The following BORCS5 variants were observed in gnomAD, a reference collection of about 807,000 sequenced individuals.
BORCS5 encodes BLOC-1-related complex subunit 5.
Under a neutral mutation model 22.1 loss-of-function variants are expected in BORCS5, and 17 were observed. The ratio of observed to expected loss-of-function variants is 0.77; its 90% CI spans 0.53 to 1.15. The LOEUF (loss-of-function observed/expected upper bound fraction) is 1.15, where lower values mean the gene tolerates loss of function less well. BORCS5 is among the 50% of genes most tolerant of loss of function. The pLI is 0.00. For missense variants in BORCS5, 247 were observed against 253.2 expected, an observed-to-expected ratio of 0.98 and a Z score of 0.17; for synonymous variants, 117 against 99.8, an observed-to-expected ratio of 1.17 and a Z score of -1.03.
intron 3 of BORCS5, among the ~76,000 whole-genome samples, chr12:12,451,859 A>G (rs1458876648): frequency 6.6e-6 from 1 of 151,386 alleles, no homozygotes; most frequent in Non-Finnish European, 1.5e-5. Flanking sequence ...CGGAGCTTGC[A>G]GTGAGCCGAG....
At chr12:12,357,768 T>G (rs1225304659) in intron 1 of BORCS5, among the ~76,000 whole-genome samples, 1 of 152,194 alleles carries the variant, frequency 6.6e-6, no homozygotes, top group Non-Finnish European at 1.5e-5. Flanking sequence ...AGCTACAGCC[T>G]CCTGTTTAAA....
chr12:12,422,916 G>A (rs1942174569), intron 2 of BORCS5, among the ~76,000 whole-genome samples: 1 of 150,780 alleles, frequency 6.6e-6, no homozygotes, highest in Admixed American at 6.6e-5. Flanking sequence ...CAAAAGTGGA[G>A]CTACAAACCA....
intron 2 of BORCS5, among the ~76,000 whole-genome samples, chr12:12,418,677 ACT>A (rs1208593319): frequency 3.3e-5 from 5 of 151,548 alleles, no homozygotes; most frequent in African/African-American, 4.9e-5. Context: ...ACAGCGTGAG[ACT>A]CTCTTTCAGT....
chr12:12,435,609 ATT>A lies in BORCS5; in HGVS notation c.203-13_203-12del. 1 of 1,586,850 alleles carries A rather than the reference ATT, an allele frequency of 6.3e-7. No homozygotes were observed. The highest frequency in any genetic ancestry group is 1.7e-4 in the Middle Eastern group (1 of 5,922). On this transcript the variant is annotated splice_polypyrimidine_tract_variant and intron_variant, in intron 2 of 3. Transcript: ENST00000314565. Reference sequence around the variant, plus strand: ...TTAGCAGTAATTTTAATTTCATTTCATTTTTTTCTCCTTTGAAGGGCTATTGA... The same window carrying A: ...TTAGCAGTAATTTTAATTTCATTTCATTTTTCTCCTTTGAAGGGCTATTGA...
In BORCS5 at chr12:12,361,227, A is replaced by C; in HGVS notation, c.80A>C (p.His27Pro). The C allele has an allele frequency of 6.2e-7, 1 of 1,614,146 alleles. No homozygotes were observed. Residue 27 changes from histidine (H) to proline (P), a missense_variant, in exon 2 of 4, where the codon CAT becomes CCT. Coordinates refer to ENST00000314565, the MANE Select transcript of BORCS5 (RefSeq NM_058169.6). ...TCAGTGACTCCTTCACCAGCCAAGC[A>C]TAGAGCCAAGATGGATGATATTGTG... ...NSSVTPSPAK[H>P]RAKMDDIVVV...
At chr12:12,396,196 A>T (rs960799567) in intron 2 of BORCS5, among the ~76,000 whole-genome samples, 1 of 152,152 alleles carries the variant, frequency 6.6e-6, no homozygotes, top group African/African-American at 2.4e-5. Context: ...CATGTTGGCC[A>T]GGCTGGTTTC....
At chr12:12,371,324 G>T (rs990716572) in intron 2 of BORCS5, among the ~76,000 whole-genome samples, 1 of 152,100 alleles carries the variant, frequency 6.6e-6, no homozygotes, top group Non-Finnish European at 1.5e-5. Flanking sequence ...ACACGATCTT[G>T]CCCTTTCACC....
chr12:12,432,195 A>G (rs116298624), intron 2 of BORCS5, among the ~76,000 whole-genome samples: 3,324 of 152,216 alleles, frequency 0.022, 112 homozygotes, highest in African/African-American at 0.075. Context: ...TGTTGAATTT[A>G]TCAGTGTTTC....
At chr12:12,384,423 T>C (rs1410710299) in intron 2 of BORCS5, among the ~76,000 whole-genome samples, 1 of 149,862 alleles carries the variant, frequency 6.7e-6, no homozygotes, top group Non-Finnish European at 1.5e-5. Context: ...TTGTCTGCTG[T>C]ATCTAGTATC....
At chr12:12,383,090 T>C (rs1051552056) in intron 2 of BORCS5, among the ~76,000 whole-genome samples, 1 of 151,416 alleles carries the variant, frequency 6.6e-6, no homozygotes, top group African/African-American at 2.4e-5. Context: ...TCCTTTTATA[T>C]TAAATACATA....
chr12:12,443,655 G>A (rs969055010), intron 3 of BORCS5, among the ~76,000 whole-genome samples: 1 of 152,248 alleles, frequency 6.6e-6, no homozygotes, highest in Non-Finnish European at 1.5e-5. Context: ...ATGTAGGCTT[G>A]TGTTTTTTGG....
chr12:12,358,284 A>C lies in BORCS5; in HGVS notation c.58+775A>C, dbSNP rs181607590. 2.3e-3 allele frequency among the ~76,000 whole-genome samples: 343 copies of C among 152,358 alleles called. 2 individuals are homozygous for C. The highest frequency in any genetic ancestry group is 7.1e-3 in the African/African-American group (295 of 41,584). On this transcript the variant is annotated intron_variant, in intron 1 of 3. Transcript: ENST00000314565. Reference sequence around the variant, plus strand: ...AATTGGTTAAATCTGGGGCCTAAAAAGAGTCGCCGATTTTAGAAGTTCTCT... The same window carrying C: ...AATTGGTTAAATCTGGGGCCTAAAACGAGTCGCCGATTTTAGAAGTTCTCT...
intron 1 of BORCS5, among the ~76,000 whole-genome samples, chr12:12,359,239 C>A (rs542397720): frequency 6.6e-6 from 1 of 152,104 alleles, no homozygotes; most frequent in African/African-American, 2.4e-5. Context: ...GCTATTTTTG[C>A]CCTGGACTAA....
intron 2 of BORCS5, among the ~76,000 whole-genome samples, chr12:12,412,895 GTTTTCTT>G (rs1941774320): frequency 1.0e-5 from 1 of 98,538 alleles, no homozygotes. Flanking sequence ...TGATTTTGTG[GTTTTCTT>G]TTTTTTTTTT....
rs182013899 is a variant in BORCS5 at position 12,388,772 on chromosome 12, T to C, written c.202+27423T>C. On this transcript the variant is annotated intron_variant, in intron 2 of 3. Coordinates refer to ENST00000314565, the MANE Select transcript of BORCS5 (RefSeq NM_058169.6). ...GACTATCTTTCTGCTGTTCTTCTCCTTTCCTGGCAATATACTGGAAGAGAT... is the reference window on the plus strand; with the variant it reads ...GACTATCTTTCTGCTGTTCTTCTCCCTTCCTGGCAATATACTGGAAGAGAT... 4.5e-3 allele frequency among the ~76,000 whole-genome samples: 681 copies of C among 151,292 alleles called. 20 individuals carry two copies. The highest frequency in any genetic ancestry group is 7.3e-3 in the Non-Finnish European group (492 of 67,642).
In BORCS5 at chr12:12,421,196, T is replaced by C. The variant is rs571986420; in HGVS notation, c.203-14432T>C. Among the ~76,000 whole-genome samples, 30 of 152,324 alleles carry C rather than the reference T, an allele frequency of 2.0e-4. No homozygotes were observed. The South Asian group carries it at 6.2e-3, about 32-fold the overall frequency. On this transcript the variant is annotated intron_variant, in intron 2 of 3. Coordinates refer to ENST00000314565, the MANE Select transcript of BORCS5 (RefSeq NM_058169.6). ...ATACTGGCTGTGGGTTTGTCATTAA[T>C]AGCTCTTATTATTTTGAGATACGTT...
intron 2 of BORCS5, among the ~76,000 whole-genome samples, chr12:12,427,023 C>T (rs1435536259): frequency 6.6e-6 from 1 of 152,142 alleles, no homozygotes; most frequent in African/African-American, 2.4e-5. Context: ...TAGCACTCCT[C>T]TGAGGTCACA....
At chr12:12,448,648 C>T (rs891047097) in intron 3 of BORCS5, among the ~76,000 whole-genome samples, 3 of 151,974 alleles carry the variant, frequency 2.0e-5, no homozygotes, top group African/African-American at 7.3e-5. Flanking sequence ...CCTGCCTCAG[C>T]CTCCCGAGTA....
At chr12:12,424,663 CAG>C (rs1263009703) in intron 2 of BORCS5, among the ~76,000 whole-genome samples, 1 of 150,276 alleles carries the variant, frequency 6.7e-6, no homozygotes, top group Non-Finnish European at 1.5e-5. Context: ...ACTGTGGAAA[CAG>C]ATTCTCCCCC....
Sources: gnomAD v4.1 joint callset for allele counts (sites outside exome capture counted in the v4.1 genomes callset) on GRCh38, gnomAD v4.1.1 for gene constraint, MANE v1.5 for transcripts, NCBI Gene and HGNC (gene_info 2026-07-23, HGNC 2026-07-21) for gene names.